The following GRM5 variants were observed in gnomAD, a reference collection of about 807,000 sequenced individuals.
The protein encoded by GRM5 is glutamate metabotropic receptor 5.
In GRM5, 19 loss-of-function variants were observed where a neutral mutation model predicts 83.1. The ratio of observed to expected loss-of-function variants is 0.23; its 90% confidence interval spans 0.16 to 0.34. GRM5 has a LOEUF of 0.34. GRM5 is among the 10% of genes least tolerant of loss of function. The pLI, the probability that GRM5 is intolerant of heterozygous loss-of-function variation, is 1.00. For synonymous variants in GRM5, 675 were observed against 633.6 expected (o/e 1.07, Z -0.98); for missense variants, 1,160 against 1,588.3 (o/e 0.73, Z 4.58).
rs1274838742 is a variant in GRM5 at position 88,505,060 on chromosome 11, C to G, written c.*3532G>C. The stretch of plus-strand genomic sequence containing the variant: ...TCACATTGGGAAGATCAGTGAAATT[C>G]AACCAACTATTTTATACATGCCTCA... On this transcript the variant is annotated 3_prime_UTR_variant, in exon 10 of 10. Coordinates refer to ENST00000305447, the MANE Select transcript of GRM5 (RefSeq NM_001143831.3). 1 of 152,138 alleles carries G rather than the reference C, an allele frequency of 6.6e-6. No homozygotes were observed. Among genetic ancestry groups the G allele is most frequent in the Non-Finnish European group, 1.5e-5 (1 of 67,998 alleles). The allele number at this position is 152,138 out of a possible 1,614,324, so 9.4% of individuals were successfully genotyped here.
At chr11:88,882,342 G>C (rs1164991593) in intron 2 of GRM5, among the ~76,000 whole-genome samples, 1 of 150,884 alleles carries the variant, frequency 6.6e-6, no homozygotes. Flanking sequence ...ACGAGGTCAG[G>C]AGATCGAGAC....
At chr11:88,745,772 TG>T (rs1323688428) in intron 3 of GRM5, among the ~76,000 whole-genome samples, 1 of 152,174 alleles carries the variant, frequency 6.6e-6, no homozygotes, top group African/African-American at 2.4e-5. Context: ...GAGCTGCTTT[TG>T]GTAGGCTGTA....
At chr11:88,705,612 G>GTTTTTTTTTTTT in intron 3 of GRM5, among the ~76,000 whole-genome samples, 1 of 148,680 alleles carries the variant, frequency 6.7e-6, no homozygotes, top group South Asian at 2.1e-4. Context: ...TTTTTTGTTT[G>GTTTTTTTTTTTT]TTTTTTTTTC....
intron 2 of GRM5, among the ~76,000 whole-genome samples, chr11:88,868,576 A>C (rs999989867): frequency 1.3e-5 from 2 of 151,760 alleles, no homozygotes; most frequent in African/African-American, 4.8e-5. Flanking sequence ...ACATTCCTGA[A>C]TGAAAACCAT....
At chr11:88,631,558 T>G (rs1177973657) in intron 4 of GRM5, among the ~76,000 whole-genome samples, 1 of 152,166 alleles carries the variant, frequency 6.6e-6, no homozygotes, top group African/African-American at 2.4e-5. Context: ...AAAATATAAT[T>G]ATTGTCTGAG....
intron 4 of GRM5, among the ~76,000 whole-genome samples, chr11:88,607,135 A>G (rs2135235441): frequency 6.6e-6 from 1 of 152,228 alleles, no homozygotes. Context: ...ATAATATAAG[A>G]TGGGAAATCC....
chr11:88,664,102 A>G (rs1312668836), intron 3 of GRM5, among the ~76,000 whole-genome samples: 2 of 152,208 alleles, frequency 1.3e-5, no homozygotes, highest in Admixed American at 6.5e-5. Context: ...GCATATGAGG[A>G]ATAAAGAGAA....
intron 2 of GRM5, among the ~76,000 whole-genome samples, chr11:88,913,991 C>T (rs1214392744): frequency 1.3e-5 from 2 of 152,150 alleles, no homozygotes; most frequent in Non-Finnish European, 2.9e-5. Flanking sequence ...ATCCTGATCA[C>T]ATACCATATG....
chr11:88,722,031 G>A (rs1339678633), intron 3 of GRM5, among the ~76,000 whole-genome samples: 1 of 152,072 alleles, frequency 6.6e-6, no homozygotes, highest in Non-Finnish European at 1.5e-5. Context: ...TGGGTATTTG[G>A]TCAATTCACA....
At chr11:88,707,582 A>T (rs1213200579) in intron 3 of GRM5, among the ~76,000 whole-genome samples, 1 of 152,082 alleles carries the variant, frequency 6.6e-6, no homozygotes, top group Non-Finnish European at 1.5e-5. Flanking sequence ...AGACAGGAGG[A>T]TGTGTGTAGG....
chr11:88,517,862 T>C (rs1279373659), intron 9 of GRM5, among the ~76,000 whole-genome samples: 1 of 152,130 alleles, frequency 6.6e-6, no homozygotes, highest in Non-Finnish European at 1.5e-5. Context: ...ATATTGTATA[T>C]AACTACTGAA....
rs1196020379 is a variant in GRM5 at position 88,828,757 on chromosome 11, A to G, written c.911+21149T>C. 2.0e-5 allele frequency among the ~76,000 whole-genome samples: 3 copies of G among 152,074 alleles called. 1 individual carries two copies. The highest frequency in any genetic ancestry group is 2.0e-4 in the Admixed American group (3 of 15,258). On this transcript the variant is annotated intron_variant, in intron 3 of 9. Coordinates refer to ENST00000305447, the MANE Select transcript of GRM5 (RefSeq NM_001143831.3). ...CATGTTTAAAATCCAAAACTTCTGG[A>G]GAAAACTACAAATATTAAATAAGAA...
intron 2 of GRM5, among the ~76,000 whole-genome samples, chr11:88,933,758 T>C (rs762659656): frequency 3.3e-5 from 5 of 151,998 alleles, no homozygotes; most frequent in Non-Finnish European, 7.4e-5. Context: ...GTTACTTAAT[T>C]CATTCATTTG....
chr11:88,581,456 T>A (rs985413928), intron 7 of GRM5, among the ~76,000 whole-genome samples: 2 of 152,228 alleles, frequency 1.3e-5, no homozygotes. Context: ...AACATGGGCA[T>A]GTTTGACTCC....
chr11:88,808,944 C>G (rs1943542691), intron 3 of GRM5, among the ~76,000 whole-genome samples: 1 of 152,054 alleles, frequency 6.6e-6, no homozygotes, highest in Admixed American at 6.6e-5. Context: ...CCATGTTCCA[C>G]TAATTAACAT....
intron 3 of GRM5, among the ~76,000 whole-genome samples, chr11:88,674,317 T>G (rs1412806993): frequency 6.6e-6 from 1 of 151,928 alleles, no homozygotes; most frequent in African/African-American, 2.4e-5. Context: ...TCCTAGAGAT[T>G]TGTCTTTGAA....
chr11:88,836,853 T>C (rs189820406), intron 3 of GRM5, among the ~76,000 whole-genome samples: 8 of 151,810 alleles, frequency 5.3e-5, no homozygotes, highest in Non-Finnish European at 7.4e-5. Flanking sequence ...AAAAAACAAA[T>C]CTAGAAAACA....
chr11:88,720,821 C>T (rs7932113), intron 3 of GRM5, among the ~76,000 whole-genome samples: 20,904 of 136,578 alleles, frequency 0.15, 2,794 homozygotes, highest in African/African-American at 0.34. Context: ...TGTGTGTGTG[C>T]GTGTGTGTGT....
chr11:88,522,576 TCTCTCTCTCTCG>T (rs1212372074), intron 9 of GRM5, among the ~76,000 whole-genome samples: 2 of 143,950 alleles, frequency 1.4e-5, no homozygotes, highest in Non-Finnish European at 3.0e-5. Flanking sequence ...CTCTTCTCTC[TCTCTCTCTCTCG>T]CTCTCTCTCT....
Sources: allele counts gnomAD v4.1 joint callset (sites outside exome capture counted in the v4.1 genomes callset), GRCh38; gene constraint gnomAD v4.1.1; transcripts MANE v1.5; gene names NCBI Gene and HGNC (gene_info 2026-07-23, HGNC 2026-07-21).